AP3B1: variants seen among roughly 807,000 people sequenced by gnomAD.
The protein encoded by AP3B1 is AP-3 complex subunit beta-1.
Under a neutral mutation model 132.5 loss-of-function variants are expected in AP3B1, and 61 were observed. The observed-to-expected ratio is 0.46, with a 90% CI of 0.37 to 0.57. The LOEUF is 0.57. AP3B1 is among the 20% of genes least tolerant of loss of function. The pLI, the probability that AP3B1 is intolerant of heterozygous loss-of-function variation, is 0.00. For synonymous variants in AP3B1, 388 were observed against 438.3 expected, an observed-to-expected ratio of 0.89 and a Z score of 1.43; for missense variants, 1,120 against 1,289.4, an observed-to-expected ratio of 0.87 and a Z score of 2.01.
intron 7 of AP3B1, among the ~76,000 whole-genome samples, chr5:78,193,720 T>C: frequency 7.4e-6 from 1 of 134,752 alleles, no homozygotes; most frequent in South Asian, 2.3e-4. Flanking sequence ...ATTTACATAT[T>C]TTTAAATATT....
chr5:78,147,828 G>A (rs1561439168), intron 14 of AP3B1, among the ~76,000 whole-genome samples: 1 of 152,210 alleles, frequency 6.6e-6, no homozygotes, highest in Admixed American at 6.5e-5. Flanking sequence ...GAGGTCAGGA[G>A]TTTGAGACCA....
chr5:78,061,367 G>A (rs753946145), intron 22 of AP3B1, among the ~76,000 whole-genome samples: 4 of 152,164 alleles, frequency 2.6e-5, no homozygotes, highest in Admixed American at 6.5e-5. Context: ...CAAACTTGGT[G>A]AGTGGTATGT....
intron 7 of AP3B1, among the ~76,000 whole-genome samples, chr5:78,202,954 G>T (rs150675663): frequency 6.6e-6 from 1 of 152,114 alleles, no homozygotes; most frequent in Non-Finnish European, 1.5e-5. Context: ...ACCAATACAG[G>T]CATGTACCGA....
intron 14 of AP3B1, among the ~76,000 whole-genome samples, chr5:78,144,520 G>C (rs1269177759): frequency 6.6e-6 from 1 of 152,108 alleles, no homozygotes; most frequent in African/African-American, 2.4e-5. Context: ...TTTGTCAAAG[G>C]CAAAATCAGT....
At chr5:78,163,579 ATG>A (rs1231383841) in intron 12 of AP3B1, among the ~76,000 whole-genome samples, 3 of 147,368 alleles carry the variant, frequency 2.0e-5, no homozygotes, top group Non-Finnish European at 3.0e-5. Flanking sequence ...TAAAGGGTAT[ATG>A]TGTGTGTGTG....
At chr5:78,074,852 G>C (rs908316296) in intron 22 of AP3B1, among the ~76,000 whole-genome samples, 2 of 152,106 alleles carry the variant, frequency 1.3e-5, no homozygotes, top group African/African-American at 4.8e-5. Context: ...AGAACTGCTT[G>C]AACCTGGGAG....
At chr5:78,202,552 A>AGT (rs36209977) in intron 7 of AP3B1, among the ~76,000 whole-genome samples, 10,332 of 145,928 alleles carry the variant, frequency 0.071, 408 homozygotes, top group African/African-American at 0.11. Flanking sequence ...CCATATATTC[A>AGT]GTGTGTGTGT....
At chr5:78,288,090 A>G (rs759092021) in intron 1 of AP3B1, among the ~76,000 whole-genome samples, 14 of 152,230 alleles carry the variant, frequency 9.2e-5, no homozygotes, top group Non-Finnish European at 1.5e-4. Flanking sequence ...CAACACTTCA[A>G]CGTCTCAAAC....
At chr5:78,106,205 C>T (rs899754013) in intron 20 of AP3B1, among the ~76,000 whole-genome samples, 2 of 152,132 alleles carry the variant, frequency 1.3e-5, no homozygotes, top group African/African-American at 4.8e-5. Context: ...TGCCTGTAAT[C>T]CCAGCACTTT....
At chr5:78,277,571 G>C (rs779128403) in intron 1 of AP3B1, among the ~76,000 whole-genome samples, 1 of 152,118 alleles carries the variant, frequency 6.6e-6, no homozygotes, top group African/African-American at 2.4e-5. Flanking sequence ...CTGAGGTCTC[G>C]AAGTACAAGG....
At chr5:78,150,659 G>A (rs928067096) in intron 14 of AP3B1, among the ~76,000 whole-genome samples, 4 of 152,138 alleles carry the variant, frequency 2.6e-5, no homozygotes, top group East Asian at 1.9e-4. Flanking sequence ...CTATATTGTA[G>A]GTCCTTTTAC....
chr5:78,081,277 C>A (rs1254710331), intron 22 of AP3B1, among the ~76,000 whole-genome samples: 13 of 151,444 alleles, frequency 8.6e-5, no homozygotes, highest in Non-Finnish European at 2.9e-5. Flanking sequence ...TCCTGCCGAG[C>A]CTATTTTTCA....
intron 7 of AP3B1, among the ~76,000 whole-genome samples, chr5:78,193,748 A>ATATATATC (rs1744950261): frequency 8.8e-5 from 5 of 57,026 alleles, no homozygotes; most frequent in South Asian, 4.3e-4. Flanking sequence ...ATTTTTTTAT[A>ATATATATC]TATATATATA....
chr5:78,060,526 T>C (rs1362385602), intron 22 of AP3B1, among the ~76,000 whole-genome samples: 1 of 152,204 alleles, frequency 6.6e-6, no homozygotes, highest in East Asian at 1.9e-4. Context: ...GTTTTCTCTG[T>C]GTATTTGGCA....
chr5:78,099,315 G>A (rs1326481244), intron 21 of AP3B1, among the ~76,000 whole-genome samples: 2 of 152,190 alleles, frequency 1.3e-5, no homozygotes, highest in African/African-American at 4.8e-5. Context: ...CTTCTGAGTT[G>A]GGGAAGTAAG....
chr5:78,029,519 T>C (rs35251890), intron 24 of AP3B1, among the ~76,000 whole-genome samples: 26,977 of 144,964 alleles, frequency 0.19, 2,992 homozygotes, highest in Admixed American at 0.28. Flanking sequence ...TTAGTAAAAG[T>C]AGGATTTAAT....
At chr5:78,240,984 A>AT in intron 2 of AP3B1, 48 bp from the exon 3 acceptor site, 2 of 1,311,740 alleles carry the variant, frequency 1.5e-6, no homozygotes, top group Non-Finnish European at 2.2e-6. Context: ...ATATATATTA[A>AT]ATATTTAGAA....
rs200456538 is a variant in AP3B1 at position 78,002,875 on chromosome 5, A to G, written c.*27T>C. On this transcript the variant is annotated 3_prime_UTR_variant, in exon 27 of 27. Transcript: ENST00000255194. ...ATGCCAGGCACTTTTGTTGTGTGCCAGATTCTAAAGTCCAGATGTAAGCAG... is the reference window on the plus strand; with the variant it reads ...ATGCCAGGCACTTTTGTTGTGTGCCGGATTCTAAAGTCCAGATGTAAGCAG... 5.6e-5 allele frequency: 91 copies of G among 1,614,148 alleles called. No homozygotes were observed. Among genetic ancestry groups the G allele is most frequent in the Non-Finnish European group, 7.1e-5 (84 of 1,179,974 alleles).
At chr5:78,177,034 A>G (rs1294058448) in intron 9 of AP3B1, among the ~76,000 whole-genome samples, 2 of 152,218 alleles carry the variant, frequency 1.3e-5, no homozygotes, top group East Asian at 3.8e-4. Context: ...ACTCCCAAAC[A>G]TCATTATTGC....
Sources: allele counts gnomAD v4.1 joint callset (sites outside exome capture counted in the v4.1 genomes callset), GRCh38; gene constraint gnomAD v4.1.1; transcripts MANE v1.5; gene names NCBI Gene and HGNC (gene_info 2026-07-23, HGNC 2026-07-21).